The following EPB41L2 variants were observed in gnomAD, a reference collection of about 807,000 sequenced individuals.
The protein encoded by EPB41L2 is band 4.1-like protein 2.
EPB41L2 carries 43 observed loss-of-function variants against 113.0 expected under a neutral mutation model. The ratio of observed to expected loss-of-function variants is 0.38; its 90% CI spans 0.30 to 0.49. The LOEUF (loss-of-function observed/expected upper bound fraction) is 0.49, where lower values mean the gene tolerates loss of function less well. EPB41L2 is among the 20% of genes least tolerant of loss of function. The pLI is 0.95. For synonymous variants in EPB41L2, 442 were observed against 436.7 expected (o/e 1.01, Z -0.15); for missense variants, 1,147 against 1,223.4 (o/e 0.94, Z 0.93).
At chr6:130,988,748 C>T (rs1273985345) in intron 1 of EPB41L2, among the ~76,000 whole-genome samples, 2 of 152,120 alleles carry the variant, frequency 1.3e-5, no homozygotes, top group Admixed American at 6.5e-5. Flanking sequence ...CTACCTGCTA[C>T]AACACTAGCT....
Position 130,878,182 on chromosome 6 carries a change from A to G in EPB41L2, c.1965T>C (p.Phe655=). The G allele has an allele frequency of 6.2e-7, 1 of 1,613,598 alleles. No homozygotes were observed. Among genetic ancestry groups the G allele is most frequent in the African/African-American group, 1.3e-5 (1 of 74,986 alleles). ...QASISELKRN[F]MESTPEPRPN... ...GGCGCGGCTCAGGTGTGGATTCCATAAAATTGCGCTTGAGTTCACTAATGC... is the reference window on the plus strand; with the variant it reads ...GGCGCGGCTCAGGTGTGGATTCCATGAAATTGCGCTTGAGTTCACTAATGC... Residue 655 remains phenylalanine, a synonymous_variant, in exon 14 of 20, where the codon TTT becomes TTC. Coordinates refer to ENST00000337057, the MANE Select transcript of EPB41L2 (RefSeq NM_001431.4).
intron 8 of EPB41L2, among the ~76,000 whole-genome samples, chr6:130,896,728 C>T (rs768801304): frequency 4.0e-4 from 61 of 152,286 alleles, no homozygotes; most frequent in Middle Eastern, 3.4e-3. Context: ...GGCCTTGATC[C>T]TTCACATGTA....
intron 4 of EPB41L2, among the ~76,000 whole-genome samples, chr6:130,911,385 G>A (rs1173465185): frequency 6.6e-6 from 1 of 152,102 alleles, no homozygotes; most frequent in Non-Finnish European, 1.5e-5. Flanking sequence ...GGGGGGCTAG[G>A]GGAGGGACAG....
At chr6:130,896,130 C>T (rs1794581745) in intron 8 of EPB41L2, among the ~76,000 whole-genome samples, 1 of 152,162 alleles carries the variant, frequency 6.6e-6, no homozygotes, top group Non-Finnish European at 1.5e-5. Flanking sequence ...GACATTTTGT[C>T]TATCTTATTA....
intron 1 of EPB41L2, among the ~76,000 whole-genome samples, chr6:131,057,152 T>A (rs939369649): frequency 6.6e-6 from 1 of 152,224 alleles, no homozygotes; most frequent in Non-Finnish European, 1.5e-5. Context: ...TTCTCAATCT[T>A]TTCTGTTTCC....
At chr6:130,968,195 C>T (rs771813168) in intron 1 of EPB41L2, among the ~76,000 whole-genome samples, 28 of 152,280 alleles carry the variant, frequency 1.8e-4, no homozygotes, top group Non-Finnish European at 3.5e-4. Context: ...AATAAGCAAA[C>T]GACAAATCCA....
At chr6:131,029,911 T>C (rs1791749054) in intron 1 of EPB41L2, among the ~76,000 whole-genome samples, 1 of 151,946 alleles carries the variant, frequency 6.6e-6, no homozygotes. Context: ...TTCTTTTTTT[T>C]TTTTTTATGC....
At chr6:131,044,736 T>C (rs1278183074) in intron 1 of EPB41L2, among the ~76,000 whole-genome samples, 1 of 152,142 alleles carries the variant, frequency 6.6e-6, no homozygotes, top group Non-Finnish European at 1.5e-5. Flanking sequence ...TGTTAAAAAG[T>C]TCCTCTGCTA....
chr6:130,878,855 C>T (rs1209051346), intron 13 of EPB41L2, among the ~76,000 whole-genome samples: 1 of 152,186 alleles, frequency 6.6e-6, no homozygotes, highest in Non-Finnish European at 1.5e-5. Context: ...ATAAAAATTA[C>T]TGCTTCCAGA....
At chr6:131,033,016 C>T (rs1196381314) in intron 1 of EPB41L2, among the ~76,000 whole-genome samples, 1 of 152,148 alleles carries the variant, frequency 6.6e-6, no homozygotes, top group African/African-American at 2.4e-5. Flanking sequence ...GCTGGGATTA[C>T]AGGCGCTTGC....
chr6:130,866,107 C>A (rs1378469206), intron 16 of EPB41L2, among the ~76,000 whole-genome samples: 2 of 152,186 alleles, frequency 1.3e-5, no homozygotes, highest in African/African-American at 4.8e-5. Flanking sequence ...TGGTTATCTG[C>A]TTACCTCTAG....
intron 8 of EPB41L2, among the ~76,000 whole-genome samples, chr6:130,897,116 G>A (rs534460766): frequency 2.0e-5 from 3 of 151,960 alleles, no homozygotes. Flanking sequence ...GGGCTACCAC[G>A]GGTGTCCCGC....
chr6:131,013,912 A>C (rs17784472), intron 1 of EPB41L2, among the ~76,000 whole-genome samples: 1 of 152,000 alleles, frequency 6.6e-6, no homozygotes, highest in African/African-American at 2.4e-5. Flanking sequence ...TTTATAGGAC[A>C]TTCGGAATCA....
chr6:131,037,852 C>A (rs539415597), intron 1 of EPB41L2, among the ~76,000 whole-genome samples: 146 of 152,174 alleles, frequency 9.6e-4, no homozygotes, highest in African/African-American at 3.3e-3. Flanking sequence ...GCCTCCAAAA[C>A]TGCTAGGATT....
intron 12 of EPB41L2, among the ~76,000 whole-genome samples, chr6:130,883,512 A>G (rs1023176132): frequency 2.0e-5 from 3 of 152,266 alleles, no homozygotes; most frequent in Non-Finnish European, 4.4e-5. Context: ...CAAAAATGCC[A>G]GTGTACCCAG....
intron 19 of EPB41L2, among the ~76,000 whole-genome samples, chr6:130,856,579 A>T (rs1780279343): frequency 6.6e-6 from 1 of 152,388 alleles, no homozygotes; most frequent in Non-Finnish European, 1.5e-5. Flanking sequence ...CAGCTGTAAA[A>T]TGGTAGGAAT....
chr6:131,024,098 A>G (rs952654089), intron 1 of EPB41L2, among the ~76,000 whole-genome samples: 1 of 152,138 alleles, frequency 6.6e-6, no homozygotes, highest in African/African-American at 2.4e-5. Flanking sequence ...GCAGAATCAC[A>G]AAGGAAGGAG....
intron 5 of EPB41L2, among the ~76,000 whole-genome samples, chr6:130,907,294 A>G (rs1798020276): frequency 6.6e-6 from 1 of 152,236 alleles, no homozygotes; most frequent in Non-Finnish European, 1.5e-5. Context: ...GACAAAGGAA[A>G]AAGTTTCAAA....
chr6:130,841,033 G>C (rs1026083328), intron 19 of EPB41L2, among the ~76,000 whole-genome samples: 6 of 152,080 alleles, frequency 3.9e-5, no homozygotes, highest in African/African-American at 4.8e-5. Flanking sequence ...TGGAGGTGAA[G>C]AAGTACACAG....
Sources: allele counts gnomAD v4.1 joint callset (sites outside exome capture counted in the v4.1 genomes callset), GRCh38; gene constraint gnomAD v4.1.1; transcripts MANE v1.5; gene names NCBI Gene and HGNC (gene_info 2026-07-23, HGNC 2026-07-21).